DNAH12: variants seen among roughly 807,000 people sequenced by gnomAD.
DNAH12 encodes the protein axonemal beta dynein heavy chain 12.
A neutral mutation model predicts 371.5 loss-of-function variants in DNAH12; 285 were observed. The ratio of observed to expected loss-of-function variants is 0.77; its 90% CI spans 0.70 to 0.85. The LOEUF is 0.85. Among genes scored for constraint, DNAH12 ranks in the 40% least tolerant of loss-of-function variants. DNAH12 has a pLI of 0.00. For missense variants in DNAH12, 3,611 were observed against 3,689.4 expected (o/e 0.98, Z 0.55); for synonymous variants, 1,200 against 1,213.0 (o/e 0.99, Z 0.22).
intron 2 of DNAH12, among the ~76,000 whole-genome samples, chr3:57,528,422 T>C (rs1379166458): frequency 6.6e-6 from 1 of 151,742 alleles, no homozygotes; most frequent in Non-Finnish European, 1.5e-5. Context: ...GTACAGACAC[T>C]TTAACAATAT....
At chr3:57,305,866 C>G (rs1314218982) in intron 69 of DNAH12, among the ~76,000 whole-genome samples, 2 of 152,178 alleles carry the variant, frequency 1.3e-5, no homozygotes, top group Non-Finnish European at 2.9e-5. Context: ...CAAACCCCAG[C>G]CACGTCTCCA....
At chr3:57,471,400 T>A (rs2066363391) in intron 15 of DNAH12, 72 bp downstream of exon 15, 1 of 1,329,324 alleles carries the variant, frequency 7.5e-7, no homozygotes, top group South Asian at 2.3e-5. Flanking sequence ...TCTATACTTT[T>A]AAATTTATGT....
At chr3:57,503,905 T>C in intron 9 of DNAH12, 111 bp downstream of exon 9, 2 of 867,796 alleles carry the variant, frequency 2.3e-6, no homozygotes, top group Non-Finnish European at 3.3e-6. Context: ...TTGAAATAAT[T>C]GGGGGAGGAA....
intron 13 of DNAH12, among the ~76,000 whole-genome samples, chr3:57,473,434 C>A (rs1342993583): frequency 6.6e-6 from 1 of 150,950 alleles, no homozygotes; most frequent in Admixed American, 6.6e-5. Flanking sequence ...TGCAGTGGGC[C>A]GAGATTGTGC....
intron 69 of DNAH12, among the ~76,000 whole-genome samples, chr3:57,303,331 C>T (rs1178682100): frequency 5.4e-5 from 7 of 129,614 alleles, no homozygotes; most frequent in African/African-American, 9.2e-5. Context: ...AGAGCAAAGA[C>T]GCCAGCTCAA....
intron 44 of DNAH12, among the ~76,000 whole-genome samples, chr3:57,393,808 A>G (rs1393747608): frequency 1.3e-5 from 2 of 152,130 alleles, no homozygotes; most frequent in Non-Finnish European, 2.9e-5. Flanking sequence ...AAAAAAATTT[A>G]CTAACCAGTG....
intron 58 of DNAH12, among the ~76,000 whole-genome samples, chr3:57,360,971 C>T (rs915876561): frequency 5.3e-5 from 8 of 152,090 alleles, no homozygotes; most frequent in African/African-American, 1.7e-4. Context: ...GTTTCCTCAA[C>T]TATGAAGTGC....
intron 60 of DNAH12, among the ~76,000 whole-genome samples, chr3:57,344,539 C>T (rs1553657445): frequency 6.6e-6 from 1 of 152,012 alleles, no homozygotes; most frequent in Non-Finnish European, 1.5e-5. Context: ...TGGAATCAAC[C>T]TAAGTGTTCA....
intron 36 of DNAH12, among the ~76,000 whole-genome samples, chr3:57,419,791 A>T (rs2064509514): frequency 6.6e-6 from 1 of 152,178 alleles, no homozygotes; most frequent in Non-Finnish European, 1.5e-5. Context: ...AACTTTTGTT[A>T]TCACATATTC....
Position 57,496,598 on chromosome 3 carries a change from G to A in DNAH12, c.1335+4723C>T, listed in dbSNP as rs74538186. ...GAAAATCTGAATATATTTCCCATAA[G>A]ACCATAAACACAGCAAGGATGCCCT... On this transcript the variant is annotated intron_variant, in intron 11 of 73. Coordinates refer to ENST00000495027, the MANE Select transcript of DNAH12 (RefSeq NM_001366028.2). Among the ~76,000 whole-genome samples the A allele has an allele frequency of 7.6e-4, 115 of 152,196 alleles. 1 individual carries two copies. The East Asian group carries it at 0.02, about 27-fold the overall frequency.
At chr3:57,435,377 A>ACC (rs1559655632) in intron 30 of DNAH12, among the ~76,000 whole-genome samples, 2 of 149,374 alleles carry the variant, frequency 1.3e-5, no homozygotes, top group African/African-American at 5.0e-5. Flanking sequence ...GTCTCCCAAA[A>ACC]AAAAAAAAAA....
chr3:57,499,647 A>AAAATATATATAT (rs1451248906), intron 11 of DNAH12, among the ~76,000 whole-genome samples: 2 of 17,946 alleles, frequency 1.1e-4, no homozygotes, highest in Non-Finnish European at 2.4e-4. Flanking sequence ...AAAAAAAAAA[A>AAAATATATATAT]ATATATATAT....
Position 57,429,702 on chromosome 3 carries a change from A to G in DNAH12, c.5053T>C (p.Ser1685Pro), listed in dbSNP as rs923469143. ...AATTATGAACTTACGGATGCCTGGG[A>G]AAGGTCCATTGTTTCAAAGATGAGG... is the stretch of plus-strand genomic sequence containing the variant. ...MSLIFETMDL[S>P]QASPATVSRC... The change falls in exon 33 of 74, where the codon TCC becomes CCC. Residue 1685 changes from serine to proline, a missense_variant. By Grantham distance (74) the Ser-to-Pro change is moderately conservative. Around this residue, in one of 3 missense-constraint regions of DNAH12, gnomAD observed 2,266 missense variants for 2,236.9 expected, o/e 1.01. Coordinates refer to ENST00000495027, the MANE Select transcript of DNAH12 (RefSeq NM_001366028.2). 2.0e-6 allele frequency: 3 copies of G among 1,536,224 alleles called. No individual in the cohort carries two copies. The highest frequency in any genetic ancestry group is 2.6e-6 in the Non-Finnish European group (3 of 1,141,704).
chr3:57,453,518 G>A, intron 23 of DNAH12, 115 bp from the exon 24 acceptor site: 1 of 966,474 alleles, frequency 1.0e-6, no homozygotes, highest in Non-Finnish European at 1.4e-6. Flanking sequence ...TCTCAATATA[G>A]AAATGAGTTC....
chr3:57,307,389 C>T (rs1440539774), intron 69 of DNAH12, among the ~76,000 whole-genome samples: 1 of 152,170 alleles, frequency 6.6e-6, no homozygotes, highest in Non-Finnish European at 1.5e-5. Context: ...TCATCCCAAC[C>T]CTTTTCATTA....
intron 35 of DNAH12, among the ~76,000 whole-genome samples, chr3:57,422,620 T>C (rs931656764): frequency 3.3e-5 from 5 of 152,178 alleles, no homozygotes; most frequent in Admixed American, 2.6e-4. Context: ...CTGGGCAACA[T>C]AGTAAGACCC....
intron 11 of DNAH12, chr3:57,493,674 G>A (rs921712167): frequency 6.6e-6 from 1 of 151,264 alleles, no homozygotes; most frequent in Non-Finnish European, 1.5e-5. Flanking sequence ...ACAAACTGGT[G>A]TAAAGGTAGT....
At chr3:57,469,364 C>T (rs2066301010) in intron 16 of DNAH12, among the ~76,000 whole-genome samples, 2 of 152,154 alleles carry the variant, frequency 1.3e-5, no homozygotes, top group African/African-American at 4.8e-5. Context: ...AATGCTTATA[C>T]ACTGTTGCAC....
At chr3:57,495,981 T>C (rs6779011) in intron 11 of DNAH12, among the ~76,000 whole-genome samples, 95,087 of 142,516 alleles carry the variant, frequency 0.67, 32,103 homozygotes, top group South Asian at 0.75. Context: ...AATCCCTGAT[T>C]TTATATATAT....
Sources: allele counts gnomAD v4.1 joint callset (sites outside exome capture counted in the v4.1 genomes callset), GRCh38; gene constraint gnomAD v4.1.1; regional missense constraint gnomAD v4.1.1; transcripts MANE v1.5; gene names NCBI Gene and HGNC (gene_info 2026-07-23, HGNC 2026-07-21).